The following VPS13D variants were observed in gnomAD, a reference collection of about 807,000 sequenced individuals.
VPS13D encodes vacuolar protein sorting 13 homolog D.
Under a neutral mutation model 461.9 loss-of-function variants are expected in VPS13D, and 187 were observed. The observed-to-expected ratio is 0.40, with a 90% confidence interval of 0.36 to 0.46. The LOEUF (loss-of-function observed/expected upper bound fraction) is 0.46, where lower values mean the gene tolerates loss of function less well. Ranked by LOEUF, VPS13D falls within the 20% of genes least tolerant of loss-of-function variation. VPS13D has a pLI of 0.60. For synonymous variants in VPS13D, 1,951 were observed against 1,986.3 expected, an observed-to-expected ratio of 0.98 and a Z score of 0.47; for missense variants, 4,711 against 5,364.9, an observed-to-expected ratio of 0.88 and a Z score of 3.81.
intron 46 of VPS13D, among the ~76,000 whole-genome samples, chr1:12,351,489 C>T (rs1221058093): frequency 6.6e-6 from 1 of 151,972 alleles, no homozygotes; most frequent in Non-Finnish European, 1.5e-5. Context: ...TGAGGTTTCA[C>T]CAGTTGGCCA....
intron 39 of VPS13D, chr1:12,336,092 A>T (rs1008815664): frequency 1.1e-5 from 4 of 377,532 alleles, no homozygotes; most frequent in Non-Finnish European, 2.0e-5. Flanking sequence ...AATAATGCAT[A>T]TGAACTGGTG....
At chr1:12,272,614 A>G (rs1641481666) in intron 17 of VPS13D, among the ~76,000 whole-genome samples, 1 of 152,182 alleles carries the variant, frequency 6.6e-6, no homozygotes, top group Non-Finnish European at 1.5e-5. Context: ...GTTTCTCACT[A>G]AGATATTTTG....
intron 30 of VPS13D, among the ~76,000 whole-genome samples, chr1:12,316,811 A>G (rs920728108): frequency 6.6e-6 from 1 of 152,182 alleles, no homozygotes; most frequent in Non-Finnish European, 1.5e-5. Context: ...ACCGCATTCA[A>G]GTGCTCCAGC....
intron 2 of VPS13D, among the ~76,000 whole-genome samples, chr1:12,238,543 A>G (rs1440147862): frequency 6.6e-6 from 1 of 151,158 alleles, no homozygotes; most frequent in Non-Finnish European, 1.5e-5. Flanking sequence ...AACTAATATT[A>G]TTTATTTGTA....
chr1:12,284,905 A>G (rs2101392925), intron 21 of VPS13D, among the ~76,000 whole-genome samples: 1 of 152,308 alleles, frequency 6.6e-6, no homozygotes, highest in Non-Finnish European at 1.5e-5. Context: ...TTGGTTTAGC[A>G]AGGTGGATGG....
At chr1:12,239,032 T>C (rs998408343) in intron 2 of VPS13D, among the ~76,000 whole-genome samples, 8 of 152,136 alleles carry the variant, frequency 5.3e-5, no homozygotes, top group African/African-American at 1.9e-4. Flanking sequence ...AAATGATTAT[T>C]CTGGAAATAC....
intron 16 of VPS13D, among the ~76,000 whole-genome samples, chr1:12,270,424 C>T (rs187218138): frequency 7.8e-4 from 119 of 152,052 alleles, no homozygotes; most frequent in African/African-American, 2.6e-3. Flanking sequence ...GCACTCCAGC[C>T]TAGGAGACAG....
Position 12,299,522 on chromosome 1 carries a change from AT to A in VPS13D, c.6216+142del. ...TGTGGCTTGAAGAATTTTTTTTGGC[AT>A]TTTATTGATATTTCAGTTAACCTTA... On this transcript the variant is annotated intron_variant, in intron 25 of 69. Transcript: ENST00000620676. The surrounding 1 kb of genome is among the most constrained non-coding windows in gnomAD (Gnocchi z 4.2). 1 of 897,128 alleles carries A rather than the reference AT, an allele frequency of 1.1e-6. No individual in the cohort carries two copies. 55.6% of individuals were successfully genotyped at this position (897,128 alleles called of 1,614,324 possible). A position where few individuals can be genotyped will look rare whatever the true frequency, so the allele number is the denominator to read the frequency against.
At chr1:12,241,755 G>GT (rs1425633500) in intron 2 of VPS13D, among the ~76,000 whole-genome samples, 2 of 152,190 alleles carry the variant, frequency 1.3e-5, no homozygotes, top group African/African-American at 4.8e-5. Flanking sequence ...GAAGAGAAGA[G>GT]TATAATTCCT....
At chr1:12,474,393 G>A (rs1645602766) in intron 67 of VPS13D, among the ~76,000 whole-genome samples, 1 of 152,026 alleles carries the variant, frequency 6.6e-6, no homozygotes, top group Non-Finnish European at 1.5e-5. Context: ...TTCCTTTTCA[G>A]TGGGGCTCTT....
At chr1:12,316,062 G>A (rs1202053655) in intron 30 of VPS13D, among the ~76,000 whole-genome samples, 6 of 152,026 alleles carry the variant, frequency 3.9e-5, no homozygotes, top group South Asian at 2.1e-4. Context: ...TGATCTGCCC[G>A]CCTCAGCCTC....
Position 12,279,678 on chromosome 1 carries a change from C to A in VPS13D, c.4602+28C>A. The A allele has an allele frequency of 1.3e-6, 2 of 1,593,150 alleles. No homozygotes were observed. The highest frequency in any genetic ancestry group is 2.3e-5 in the South Asian group (2 of 88,570). ...AAATTCATGTCAGGGCAGTTGAAGT[C>A]ATATGTTTATATTAGTACTCTATAA... On this transcript the variant is annotated intron_variant, in intron 20 of 69. Transcript: ENST00000620676. This position sits in a 1 kb window ranked among gnomAD's most constrained non-coding sequence, Gnocchi z 4.3.
chr1:12,466,472 A>G (rs981359605), intron 67 of VPS13D, among the ~76,000 whole-genome samples: 2 of 152,240 alleles, frequency 1.3e-5, no homozygotes, highest in Non-Finnish European at 2.9e-5. Context: ...CTGTTCCTTA[A>G]AACTGTAAAT....
chr1:12,440,178 G>A (rs961384038), intron 65 of VPS13D, among the ~76,000 whole-genome samples: 19 of 152,192 alleles, frequency 1.2e-4, no homozygotes, highest in African/African-American at 3.6e-4. Context: ...GTAAGCAACC[G>A]TTACTAAATA....
chr1:12,291,064 A>G lies in VPS13D; in HGVS notation c.5792A>G (p.Glu1931Gly), dbSNP rs1341582225. ...CTAAGTGACCTCACATGCCATGGAG[A>G]GTTCTACAGAGAACGGTTCACTACC... is the stretch of plus-strand genomic sequence containing the variant. ...LSLSDLTCHG[E>G]FYRERFTTSG... is the part of the protein sequence containing the mutation. Residue 1931 changes from glutamate to glycine, a missense_variant, in exon 23 of 70, where the codon GAG becomes GGG. By Grantham distance (98) the Glu-to-Gly change is moderately conservative. This residue lies in a region of VPS13D where 4,411 missense variants were observed against 4,937.8 expected (regional missense o/e 0.89). Transcript: ENST00000620676. 2 of 1,614,094 alleles carry G rather than the reference A, an allele frequency of 1.2e-6. No homozygotes were observed. Among genetic ancestry groups the G allele is most frequent in the Non-Finnish European group, 1.7e-6 (2 of 1,180,000 alleles).
At chr1:12,394,953 C>T (rs1360158245) in intron 60 of VPS13D, among the ~76,000 whole-genome samples, 1 of 152,184 alleles carries the variant, frequency 6.6e-6, no homozygotes, top group African/African-American at 2.4e-5. Context: ...TATCCATTCC[C>T]GTATCTGTTC....
At chr1:12,285,212 A>G (rs920511588) in intron 21 of VPS13D, among the ~76,000 whole-genome samples, 1 of 152,116 alleles carries the variant, frequency 6.6e-6, no homozygotes, top group Non-Finnish European at 1.5e-5. Context: ...CAGTCCTATA[A>G]TTCATCACAT....
At chr1:12,383,197 C>G (rs1283478352) in intron 58 of VPS13D, 42 bp downstream of exon 58, 1 of 1,551,088 alleles carries the variant, frequency 6.4e-7, no homozygotes, top group Non-Finnish European at 8.8e-7. Flanking sequence ...CTCTGTACTT[C>G]CTCCACCCCC....
At chr1:12,342,870 C>T (rs756193814) in intron 41 of VPS13D, 29 bp from the exon 42 acceptor site, 3 of 1,591,720 alleles carry the variant, frequency 1.9e-6, no homozygotes, top group East Asian at 2.2e-5. Context: ...GAAACAGGGA[C>T]AGGCTGATGT....
Sources: allele counts gnomAD v4.1 joint callset (sites outside exome capture counted in the v4.1 genomes callset), GRCh38; gene constraint gnomAD v4.1.1; regional missense constraint gnomAD v4.1.1; non-coding constraint Gnocchi (gnomAD v3.1); transcripts MANE v1.5; gene names NCBI Gene and HGNC (gene_info 2026-07-23, HGNC 2026-07-21).